SHISA9: variants seen among roughly 807,000 people sequenced by gnomAD.
The protein encoded by SHISA9 is shisa family member 9, also known as protein shisa-9.
In SHISA9, 13 loss-of-function variants were observed where a neutral mutation model predicts 38.0. The observed-to-expected ratio is 0.34, with a 90% CI of 0.22 to 0.54. The LOEUF is 0.54. SHISA9 is among the 20% of genes least tolerant of loss of function. The pLI, the probability that SHISA9 is intolerant of heterozygous loss-of-function variation, is 0.91. For missense variants in SHISA9, 538 were observed against 575.8 expected (o/e 0.93, Z 0.67); for synonymous variants, 275 against 242.0 (o/e 1.14, Z -1.27).
chr16:13,004,962 A>AGAAAGAAAGAAAAGAAAAG (rs112467502), intron 2 of SHISA9, among the ~76,000 whole-genome samples: 1 of 127,636 alleles, frequency 7.8e-6, no homozygotes, highest in Non-Finnish European at 1.6e-5. Flanking sequence ...AAAAAAAGAA[A>AGAAAGAAAGAAAAGAAAAG]AAAAGAAAGA....
chr16:13,063,201 T>C (rs1381991905), intron 2 of SHISA9, among the ~76,000 whole-genome samples: 2 of 152,036 alleles, frequency 1.3e-5, no homozygotes, highest in Non-Finnish European at 2.9e-5. Context: ...TGAGACGGGA[T>C]TTCACTGTGT....
At position 13,200,832 on chromosome 16, in the gene SHISA9, A is replaced by G. The variant is rs775048354; in HGVS notation, c.692-2562A>G. ...CTTGTGTGATGGCCCATGCAGGTAAAGTGATAAAAATACTGTCCCTAACCT... is the reference window on the plus strand; with the variant it reads ...CTTGTGTGATGGCCCATGCAGGTAAGGTGATAAAAATACTGTCCCTAACCT... On this transcript the variant is annotated intron_variant, in intron 2 of 4. Coordinates refer to ENST00000558583, the MANE Select transcript of SHISA9 (RefSeq NM_001145204.3). 3.0e-5 allele frequency among the ~76,000 whole-genome samples: 4 copies of G among 135,442 alleles called. 1 individual carries two copies. The highest frequency in any genetic ancestry group is 6.4e-5 in the Non-Finnish European group (4 of 62,230). The allele number at this position is 135,442 out of a possible 152,430, so 88.9% of individuals were successfully genotyped here.
intron 2 of SHISA9, among the ~76,000 whole-genome samples, chr16:13,086,437 A>G (rs971728434): frequency 6.6e-6 from 1 of 151,954 alleles, no homozygotes; most frequent in South Asian, 2.1e-4. Context: ...CAAATCAGAT[A>G]TAGCTTCAGA....
intron 2 of SHISA9, among the ~76,000 whole-genome samples, chr16:13,159,803 T>G (rs2050580011): frequency 6.6e-6 from 1 of 152,184 alleles, no homozygotes; most frequent in East Asian, 1.9e-4. Flanking sequence ...TGTCCATGAT[T>G]AATTCCGCAG....
At chr16:13,098,269 A>G (rs2073846351) in intron 2 of SHISA9, among the ~76,000 whole-genome samples, 1 of 152,210 alleles carries the variant, frequency 6.6e-6, no homozygotes, top group South Asian at 2.1e-4. Context: ...GAAATGGAGC[A>G]AAAATACACT....
the SHISA9 span, among the ~76,000 whole-genome samples, chr16:13,426,922 G>A: frequency 6.6e-6 from 1 of 152,180 alleles, no homozygotes; most frequent in South Asian, 2.1e-4. Context: ...GGACAGTCTA[G>A]GCTATGCTGC....
chr16:13,459,203 T>C, the SHISA9 span, among the ~76,000 whole-genome samples: 1 of 152,148 alleles, frequency 6.6e-6, no homozygotes, highest in East Asian at 1.9e-4. Flanking sequence ...CAAATGAAGA[T>C]TCCTAGATAT....
the SHISA9 span, among the ~76,000 whole-genome samples, chr16:13,540,349 C>A: frequency 6.6e-6 from 1 of 152,150 alleles, no homozygotes; most frequent in African/African-American, 2.4e-5. Flanking sequence ...GGCACCAAAG[C>A]ACTTTGTTCA....
intron 1 of SHISA9, among the ~76,000 whole-genome samples, chr16:12,908,069 G>C (rs1221930584): frequency 6.6e-6 from 1 of 152,144 alleles, no homozygotes; most frequent in Non-Finnish European, 1.5e-5. Context: ...TCAGGCTGTT[G>C]TCTGCAGGTG....
intron 4 of SHISA9, among the ~76,000 whole-genome samples, chr16:13,220,074 A>G (rs2051208209): frequency 6.6e-6 from 1 of 152,240 alleles, no homozygotes. Context: ...TGCCACAATA[A>G]CACTGCGTAA....
At chr16:12,944,166 C>G (rs1390301642) in intron 2 of SHISA9, among the ~76,000 whole-genome samples, 3 of 152,214 alleles carry the variant, frequency 2.0e-5, no homozygotes, top group African/African-American at 7.2e-5. Flanking sequence ...TAGAATATGA[C>G]TTCCAAGAGA....
chr16:13,080,522 A>G (rs1366908082), intron 2 of SHISA9, among the ~76,000 whole-genome samples: 1 of 152,156 alleles, frequency 6.6e-6, no homozygotes, highest in Non-Finnish European at 1.5e-5. Flanking sequence ...GTAAGGGAGA[A>G]TGAGACTTGA....
chr16:13,000,192 G>A (rs2072506317), intron 2 of SHISA9, among the ~76,000 whole-genome samples: 1 of 151,950 alleles, frequency 6.6e-6, no homozygotes, highest in African/African-American at 2.4e-5. Flanking sequence ...TTGAGTTCTA[G>A]CTTGGTGACT....
At chr16:13,097,579 T>C (rs1425931128) in intron 2 of SHISA9, among the ~76,000 whole-genome samples, 1 of 152,102 alleles carries the variant, frequency 6.6e-6, no homozygotes, top group Non-Finnish European at 1.5e-5. Context: ...TCAAAATAAA[T>C]TATTTTTAGA....
chr16:13,250,618 A>T, the SHISA9 span, among the ~76,000 whole-genome samples: 5,091 of 152,100 alleles, frequency 0.033, 283 homozygotes, highest in African/African-American at 0.12. Flanking sequence ...CCCCAACCCC[A>T]TTGTGTCTTA....
the SHISA9 span, among the ~76,000 whole-genome samples, chr16:13,360,465 A>G: frequency 6.6e-6 from 1 of 152,084 alleles, no homozygotes; most frequent in Non-Finnish European, 1.5e-5. Flanking sequence ...TCATGATAGT[A>G]AGTTCTCATG....
At chr16:12,941,522 CA>C (rs2071611553) in intron 2 of SHISA9, among the ~76,000 whole-genome samples, 2 of 152,256 alleles carry the variant, frequency 1.3e-5, no homozygotes, top group South Asian at 4.1e-4. Context: ...ATTTGTGTTA[CA>C]AACAATCCAA....
chr16:13,419,644 C>T, the SHISA9 span, among the ~76,000 whole-genome samples: 1 of 152,132 alleles, frequency 6.6e-6, no homozygotes, highest in Non-Finnish European at 1.5e-5. Context: ...TACGTCTCTT[C>T]CTGAACTTGA....
chr16:13,334,899 A>C, the SHISA9 span, among the ~76,000 whole-genome samples: 1 of 152,194 alleles, frequency 6.6e-6, no homozygotes, highest in East Asian at 1.9e-4. Flanking sequence ...ATGCTCAGCA[A>C]ATGTTACCCA....
Sources: gnomAD v4.1 joint callset for allele counts (sites outside exome capture counted in the v4.1 genomes callset) on GRCh38, gnomAD v4.1.1 for gene constraint, MANE v1.5 for transcripts, NCBI Gene and HGNC (gene_info 2026-07-23, HGNC 2026-07-21) for gene names.